GYPC: variants seen among roughly 807,000 people sequenced by gnomAD.
The protein encoded by GYPC is glycophorin-C.
In GYPC, 14 loss-of-function variants were observed where a neutral mutation model predicts 12.6. That is an observed-to-expected ratio of 1.11 (90% CI 0.74 to 1.74). The LOEUF is 1.74. Among genes scored for constraint, GYPC ranks in the 40% most tolerant of loss-of-function variants. The probability of loss-of-function intolerance (pLI) is 0.00; values close to 1 mark genes in which losing one functional copy is unlikely to be tolerated. For missense variants in GYPC, 225 were observed against 172.1 expected, an observed-to-expected ratio of 1.31 and a Z score of -1.72; for synonymous variants, 78 against 62.1, an observed-to-expected ratio of 1.26 and a Z score of -1.20.
intron 1 of GYPC, among the ~76,000 whole-genome samples, chr2:126,687,570 G>A (rs1184118549): frequency 1.3e-5 from 2 of 152,218 alleles, no homozygotes; most frequent in African/African-American, 4.8e-5. Flanking sequence ...CTCCCCTGGA[G>A]TCTGTCACAT....
At chr2:126,687,533 G>A (rs749892893) in intron 1 of GYPC, among the ~76,000 whole-genome samples, 1 of 152,282 alleles carries the variant, frequency 6.6e-6, no homozygotes. Context: ...ATCAATATAG[G>A]GCAGCTCTGG....
intron 1 of GYPC, among the ~76,000 whole-genome samples, chr2:126,663,360 C>T (rs920697858): frequency 6.6e-6 from 1 of 152,170 alleles, no homozygotes; most frequent in Non-Finnish European, 1.5e-5. Flanking sequence ...ATCCAAGAGT[C>T]AGCACTGCGG....
chr2:126,677,823 G>A (rs1683048958), intron 1 of GYPC, among the ~76,000 whole-genome samples: 1 of 152,174 alleles, frequency 6.6e-6, no homozygotes, highest in South Asian at 2.1e-4. Context: ...CTATCAGGAT[G>A]CACCCTTAAA....
intron 2 of GYPC, among the ~76,000 whole-genome samples, chr2:126,691,497 T>C (rs1266874289): frequency 3.9e-5 from 6 of 152,080 alleles, no homozygotes; most frequent in Non-Finnish European, 7.4e-5. Context: ...CAGTCCTCAA[T>C]CGCCAGGAGG....
At chr2:126,680,064 C>G (rs897592668) in intron 1 of GYPC, 2 of 152,120 alleles carry the variant, frequency 1.3e-5, no homozygotes, top group Non-Finnish European at 2.9e-5. Context: ...GTTCCGAGGC[C>G]ATAGTATTAA....
chr2:126,695,687 G>A (rs1683620470), intron 3 of GYPC, among the ~76,000 whole-genome samples: 1 of 150,634 alleles, frequency 6.6e-6, no homozygotes, highest in Non-Finnish European at 1.5e-5. Context: ...TTAATGTTAA[G>A]TGTTCTGAGC....
intron 1 of GYPC, among the ~76,000 whole-genome samples, chr2:126,667,586 A>G (rs1388196313): frequency 1.3e-5 from 2 of 151,994 alleles, no homozygotes; most frequent in Non-Finnish European, 2.9e-5. Flanking sequence ...TATTTTTAGT[A>G]GAGACGGGGT....
chr2:126,696,406 T>G lies in GYPC; in HGVS notation c.*264T>G, dbSNP rs1189513213. The G allele has an allele frequency of 1.3e-5, 6 of 474,820 alleles. No homozygotes were observed. The highest frequency in any genetic ancestry group is 2.3e-5 in the Non-Finnish European group (6 of 258,214). 29.4% of individuals were successfully genotyped at this position (474,820 alleles called of 1,614,324 possible). A position where few individuals can be genotyped will look rare whatever the true frequency, so the allele number is the denominator to read the frequency against. ...TGCTCCACGGAGGTGGGAGAAAATCTGGGCACATGGGGCCCCCTGGGCAGT... is the reference window on the plus strand; with the variant it reads ...TGCTCCACGGAGGTGGGAGAAAATCGGGGCACATGGGGCCCCCTGGGCAGT... On this transcript the variant is annotated 3_prime_UTR_variant, in exon 4 of 4. Transcript: ENST00000259254.
Position 126,693,933 on chromosome 2 carries a change from T to C in GYPC, c.176T>C (p.Ile59Thr), listed in dbSNP as rs768771646. 18 of 1,608,132 alleles carry C rather than the reference T, an allele frequency of 1.1e-5. No individual in the cohort carries two copies. Among genetic ancestry groups the C allele is most frequent in the African/African-American group, 1.3e-5 (1 of 74,766 alleles). Residue 59 changes from isoleucine (I) to threonine (T), a missense_variant, in exon 3 of 4, where the codon ATT (isoleucine) becomes ACT (threonine). Coordinates refer to ENST00000259254, the MANE Select transcript of GYPC (RefSeq NM_002101.5). ...METSTPTIMDIVVIAGVIAAV... is the reference protein window; with the variant it reads ...METSTPTIMDTVVIAGVIAAV... Reference sequence around the variant, plus strand: ...ACCTCCACCCCCACCATAATGGACATTGTCGTCATTGCAGGTGAGCTCTCA... The same window carrying C: ...ACCTCCACCCCCACCATAATGGACACTGTCGTCATTGCAGGTGAGCTCTCA...
chr2:126,666,375 C>T (rs1347897718), intron 1 of GYPC, among the ~76,000 whole-genome samples: 1 of 152,216 alleles, frequency 6.6e-6, no homozygotes, highest in Non-Finnish European at 1.5e-5. Flanking sequence ...GGATCATTGT[C>T]ACTGCATGAC....
chr2:126,657,291 C>T (rs1025489344), intron 1 of GYPC, among the ~76,000 whole-genome samples: 3 of 152,220 alleles, frequency 2.0e-5, no homozygotes, highest in Non-Finnish European at 4.4e-5. Context: ...GTTGTGCTTG[C>T]GTCAGCCTGG....
intron 1 of GYPC, among the ~76,000 whole-genome samples, chr2:126,689,323 G>A (rs1243940331): frequency 4.6e-5 from 7 of 152,198 alleles, no homozygotes; most frequent in Non-Finnish European, 8.8e-5. Context: ...CTGAGCCTTG[G>A]TGTTCTTCCT....
intron 3 of GYPC, 83 bp downstream of exon 3, chr2:126,694,030 C>T (rs1247921613): frequency 4.1e-6 from 4 of 964,450 alleles, no homozygotes; most frequent in Non-Finnish European, 5.1e-6. Flanking sequence ...GACCTAAGGA[C>T]TTGGGCAGTG....
chr2:126,662,582 G>A (rs569708139), intron 1 of GYPC, among the ~76,000 whole-genome samples: 1 of 152,320 alleles, frequency 6.6e-6, no homozygotes, highest in Admixed American at 6.5e-5. Context: ...GACCTGCCCA[G>A]CAGGGTCCCG....
chr2:126,670,259 C>T (rs1366054828), intron 1 of GYPC, among the ~76,000 whole-genome samples: 2 of 152,232 alleles, frequency 1.3e-5, no homozygotes, highest in Non-Finnish European at 2.9e-5. Context: ...AGCCAGGACT[C>T]ACTTGCTGGG....
intron 1 of GYPC, chr2:126,680,224 A>C (rs534652525): frequency 6.6e-6 from 1 of 152,364 alleles, no homozygotes; most frequent in African/African-American, 2.4e-5. Flanking sequence ...TTGGAAAAGG[A>C]AGCCAATGAT....
chr2:126,683,826 G>A (rs1683214284), intron 1 of GYPC, among the ~76,000 whole-genome samples: 1 of 152,220 alleles, frequency 6.6e-6, no homozygotes, highest in Admixed American at 6.5e-5. Context: ...ATAAGGAAGA[G>A]ATGTCCTTTC....
At chr2:126,681,020 G>C (rs775771583) in intron 1 of GYPC, among the ~76,000 whole-genome samples, 1 of 152,212 alleles carries the variant, frequency 6.6e-6, no homozygotes, top group African/African-American at 2.4e-5. Context: ...GATTCTTCAA[G>C]ACAATAGCCA....
chr2:126,663,974 CT>C (rs1201895226), intron 1 of GYPC, among the ~76,000 whole-genome samples: 1 of 136,040 alleles, frequency 7.4e-6, no homozygotes, highest in East Asian at 2.0e-4. Flanking sequence ...CTCTCTCTCT[CT>C]CTCTCTCTCT....
Sources: allele counts gnomAD v4.1 joint callset (sites outside exome capture counted in the v4.1 genomes callset), GRCh38; gene constraint gnomAD v4.1.1; transcripts MANE v1.5; gene names NCBI Gene and HGNC (gene_info 2026-07-23, HGNC 2026-07-21).